FCHSD2: variants seen among roughly 807,000 people sequenced by gnomAD.
FCHSD2 encodes F-BAR and double SH3 domains protein 2.
FCHSD2 carries 38 observed loss-of-function variants against 108.1 expected under a neutral mutation model. The observed-to-expected ratio is 0.35, with a 90% CI of 0.27 to 0.46. The LOEUF is 0.46. FCHSD2 is among the 20% of genes least tolerant of loss of function. The pLI, the probability that FCHSD2 is intolerant of heterozygous loss-of-function variation, is 1.00. For missense variants in FCHSD2, 751 were observed against 897.8 expected (o/e 0.84, Z 2.09); for synonymous variants, 279 against 314.7 (o/e 0.89, Z 1.20).
chr11:73,057,091 A>AAAAAT (rs1456834746), intron 3 of FCHSD2, among the ~76,000 whole-genome samples: 1 of 152,182 alleles, frequency 6.6e-6, no homozygotes, highest in Admixed American at 6.5e-5. Flanking sequence ...TCAAAAACTA[A>AAAAAT]AAAATAAAAT....
chr11:73,020,892 T>G (rs1858085392), intron 3 of FCHSD2, among the ~76,000 whole-genome samples: 1 of 152,132 alleles, frequency 6.6e-6, no homozygotes, highest in African/African-American at 2.4e-5. Flanking sequence ...TTATTTACAT[T>G]GAGACAGGGC....
In FCHSD2 at chr11:72,836,845, G is replaced by A. The variant is rs892105009; in HGVS notation, c.*1946C>T. On this transcript the variant is annotated 3_prime_UTR_variant, in exon 20 of 20. Coordinates refer to ENST00000409418, the MANE Select transcript of FCHSD2 (RefSeq NM_014824.3). ...ACATCTGCACAGAGGCTCCCTCCGAGCCCTGACCTGTGCACTGTGGTGCTG... is the reference window on the plus strand; with the variant it reads ...ACATCTGCACAGAGGCTCCCTCCGAACCCTGACCTGTGCACTGTGGTGCTG... 6.6e-6 allele frequency: 1 copy of A among 152,556 alleles called. No individual in the cohort carries two copies. Among genetic ancestry groups the A allele is most frequent in the African/African-American group, 2.4e-5 (1 of 41,410 alleles). The allele number at this position is 152,556 out of a possible 1,614,324, so 9.5% of individuals were successfully genotyped here.
intron 8 of FCHSD2, among the ~76,000 whole-genome samples, chr11:72,928,946 C>T (rs901852227): frequency 9.5e-5 from 14 of 147,314 alleles, no homozygotes; most frequent in Admixed American, 4.8e-4. Context: ...TTGTTCAATT[C>T]CCACCTATGA....
intron 12 of FCHSD2, among the ~76,000 whole-genome samples, chr11:72,872,460 C>T (rs1354273742): frequency 6.6e-6 from 1 of 152,002 alleles, no homozygotes; most frequent in Non-Finnish European, 1.5e-5. Context: ...CCCCCTATTC[C>T]CTGCAGTCTT....
chr11:72,903,711 A>G (rs1056636149), intron 9 of FCHSD2, among the ~76,000 whole-genome samples: 21 of 152,272 alleles, frequency 1.4e-4, no homozygotes, highest in African/African-American at 5.1e-4. Context: ...CATTTGCAGT[A>G]TATTATAGCC....
At chr11:72,911,298 A>C (rs1300024464) in intron 9 of FCHSD2, among the ~76,000 whole-genome samples, 2 of 152,264 alleles carry the variant, frequency 1.3e-5, no homozygotes. Flanking sequence ...AGTTCACTGC[A>C]GATAGGTAGA....
intron 8 of FCHSD2, among the ~76,000 whole-genome samples, chr11:72,949,894 AAG>A (rs1217549680): frequency 1.3e-5 from 2 of 152,196 alleles, no homozygotes; most frequent in Non-Finnish European, 2.9e-5. Flanking sequence ...GTATAAATCT[AAG>A]AGTGGAGTTT....
chr11:72,954,196 A>AATTTTTTTTTTTTTTTTTTTTTTTTTT (rs1565339614), intron 8 of FCHSD2, among the ~76,000 whole-genome samples: 1 of 111,702 alleles, frequency 9.0e-6, no homozygotes. Flanking sequence ...AGATGTGGGG[A>AATTTTTTTTTTTTTTTTTTTTTTTTTT]TTTTTTTTTT....
At chr11:73,047,923 G>A (rs1367482358) in intron 3 of FCHSD2, among the ~76,000 whole-genome samples, 1 of 152,134 alleles carries the variant, frequency 6.6e-6, no homozygotes, top group African/African-American at 2.4e-5. Context: ...AATATGCAGA[G>A]GGGGAAATGG....
At chr11:72,921,429 A>G (rs1565323862) in intron 9 of FCHSD2, among the ~76,000 whole-genome samples, 2 of 152,228 alleles carry the variant, frequency 1.3e-5, no homozygotes, top group Non-Finnish European at 2.9e-5. Flanking sequence ...TGTTGTTTTT[A>G]TATCAATTAC....
At chr11:72,942,263 C>T (rs1192309993) in intron 8 of FCHSD2, among the ~76,000 whole-genome samples, 5 of 152,226 alleles carry the variant, frequency 3.3e-5, no homozygotes, top group African/African-American at 7.2e-5. Flanking sequence ...GACATGCAGG[C>T]TTCCACTTTG....
intron 3 of FCHSD2, among the ~76,000 whole-genome samples, chr11:73,056,613 T>C (rs1859030585): frequency 6.6e-6 from 1 of 152,188 alleles, no homozygotes; most frequent in South Asian, 2.1e-4. Flanking sequence ...CATTCATTCA[T>C]TCATTAAATA....
intron 2 of FCHSD2, among the ~76,000 whole-genome samples, chr11:73,103,163 A>T (rs1860262657): frequency 6.6e-6 from 1 of 152,234 alleles, no homozygotes; most frequent in Non-Finnish European, 1.5e-5. Flanking sequence ...TATTGAGTGT[A>T]GTAGTGTTTA....
At chr11:72,862,447 A>AGGATCCAATTGC (rs1854620423) in intron 13 of FCHSD2, among the ~76,000 whole-genome samples, 1 of 152,250 alleles carries the variant, frequency 6.6e-6, no homozygotes, top group Non-Finnish European at 1.5e-5. Context: ...ATGGATCAGC[A>AGGATCCAATTGC]ATGAACAATT....
intron 8 of FCHSD2, among the ~76,000 whole-genome samples, chr11:72,936,729 C>T (rs971931670): frequency 1.3e-5 from 2 of 152,162 alleles, no homozygotes; most frequent in African/African-American, 4.8e-5. Context: ...ATCTTTACTT[C>T]AGTTATTGTA....
intron 6 of FCHSD2, among the ~76,000 whole-genome samples, chr11:72,987,645 C>A (rs946709772): frequency 1.3e-5 from 2 of 152,172 alleles, no homozygotes; most frequent in African/African-American, 4.8e-5. Flanking sequence ...TCCTTGTGAT[C>A]AGCTCTGTGA....
rs1860752363 is a variant in FCHSD2 at position 72,837,145 on chromosome 11, A to C, written c.*1646T>G. On this transcript the variant is annotated 3_prime_UTR_variant, in exon 20 of 20. Coordinates refer to ENST00000409418, the MANE Select transcript of FCHSD2 (RefSeq NM_014824.3). ...CAAACTTTAAAATCTTAAAAAAACC[A>C]CCCTTTTAATTTCTTTTTTAAACTT... 1 of 152,252 alleles carries C rather than the reference A, an allele frequency of 6.6e-6. No individual in the cohort carries two copies. Among genetic ancestry groups the C allele is most frequent in the South Asian group, 2.1e-4 (1 of 4,824 alleles). 9.4% of individuals were successfully genotyped at this position (152,252 alleles called of 1,614,324 possible).
chr11:72,842,924 C>G, intron 16 of FCHSD2, 83 bp from the exon 17 acceptor site: 1 of 1,069,908 alleles, frequency 9.3e-7, no homozygotes, highest in Non-Finnish European at 1.4e-6. Context: ...CACATGACAA[C>G]TAAAAGAGCA....
At chr11:72,993,392 A>G (rs1857456846) in intron 5 of FCHSD2, among the ~76,000 whole-genome samples, 1 of 152,188 alleles carries the variant, frequency 6.6e-6, no homozygotes, top group African/African-American at 2.4e-5. Flanking sequence ...CATTTGACCC[A>G]GCCATCCCAT....
Sources: allele counts gnomAD v4.1 joint callset (sites outside exome capture counted in the v4.1 genomes callset), GRCh38; gene constraint gnomAD v4.1.1; transcripts MANE v1.5; gene names NCBI Gene and HGNC (gene_info 2026-07-23, HGNC 2026-07-21).